Variants in POF1B observed in about 807,000 individuals in gnomAD.
POF1B encodes POF1B actin binding protein.
Under a neutral mutation model 55.3 loss-of-function variants are expected in POF1B, and 53 were observed. That is an observed-to-expected ratio of 0.96 (90% CI 0.77 to 1.20). The LOEUF is 1.20. POF1B is among the 50% of genes most tolerant of loss of function. The pLI is 0.00. For synonymous variants in POF1B, 188 were observed against 148.3 expected, an observed-to-expected ratio of 1.27 and a Z score of -1.95; for missense variants, 478 against 420.5, an observed-to-expected ratio of 1.14 and a Z score of -1.20.
intron 15 of POF1B, among the ~76,000 whole-genome samples, chrX:85,302,231 T>A (rs1186537060): frequency 9.0e-6 from 1 of 111,122 alleles, no homozygotes; most frequent in African/African-American, 3.3e-5. Context: ...CATGTGAAAA[T>A]CTCTTGCAAT....
chrX:85,350,955 C>T (rs866112273), intron 5 of POF1B, among the ~76,000 whole-genome samples: 9 of 111,371 alleles, frequency 8.1e-5, no homozygotes, highest in Admixed American at 7.7e-4. Flanking sequence ...CATATCTGTT[C>T]GTATGTATTG....
intron 9 of POF1B, among the ~76,000 whole-genome samples, chrX:85,309,846 TG>T (rs1932658732): frequency 9.0e-6 from 1 of 111,085 alleles, no homozygotes; most frequent in Admixed American, 9.6e-5. Context: ...AAAGACAGAG[TG>T]AAGAATGGTG....
At position 85,331,139 on chromosome X, in the gene POF1B, T is replaced by A. The variant is rs1932972153; in HGVS notation, c.724-60A>T. ...TTAAGTTTTTCTAAGTTCATAGATATTTTTATGTGAAGCGAAAGAAAGATA... is the reference window on the plus strand; with the variant it reads ...TTAAGTTTTTCTAAGTTCATAGATAATTTTATGTGAAGCGAAAGAAAGATA... On this transcript the variant is annotated intron_variant, in intron 6 of 16. Coordinates refer to ENST00000262753, the MANE Select transcript of POF1B (RefSeq NM_024921.4). The A allele has an allele frequency of 2.8e-6, 3 of 1,070,647 alleles. No individual in the cohort carries two copies. In the Admixed American group the frequency reaches 8.5e-5, roughly 30 times the overall value. 88.2% of individuals were successfully genotyped at this position (1,070,647 alleles called of 1,213,427 possible). A position where few individuals can be genotyped will look rare whatever the true frequency, so the allele number is the denominator to read the frequency against.
At position 85,315,703 on chromosome X, in the gene POF1B, T is replaced by C. The variant is rs1256602184; in HGVS notation, c.882+4A>G. 5 of 1,165,189 alleles carry C rather than the reference T, an allele frequency of 4.3e-6. No individual in the cohort carries two copies. The highest frequency in any genetic ancestry group is 5.7e-6 in the Non-Finnish European group (5 of 875,446). ...ATTCGATTTTCAACTATCTTTGCAC[T>C]TACCTCATCTGTAGACTCAAAGTCC... On this transcript the variant is annotated splice_donor_region_variant and intron_variant, in intron 8 of 16. Coordinates refer to ENST00000262753, the MANE Select transcript of POF1B (RefSeq NM_024921.4).
intron 5 of POF1B, among the ~76,000 whole-genome samples, chrX:85,348,345 G>T (rs1454705064): frequency 9.0e-6 from 1 of 111,354 alleles, no homozygotes; most frequent in African/African-American, 3.3e-5. Flanking sequence ...AAACATTTCT[G>T]ATTTGTCATA....
chrX:85,280,771 A>G (rs774020063), intron 16 of POF1B, among the ~76,000 whole-genome samples: 1 of 111,405 alleles, frequency 9.0e-6, no homozygotes, highest in African/African-American at 3.2e-5. Context: ...ACACATTCCT[A>G]TGATCCCTAC....
intron 7 of POF1B, among the ~76,000 whole-genome samples, chrX:85,323,762 G>A (rs1053440907): frequency 3.6e-5 from 4 of 110,300 alleles, no homozygotes; most frequent in African/African-American, 1.3e-4. Context: ...ACTGTCTGTG[G>A]GGTTAGTTTT....
intron 15 of POF1B, among the ~76,000 whole-genome samples, chrX:85,290,927 T>G (rs1932171643): frequency 8.9e-6 from 1 of 112,094 alleles, no homozygotes; most frequent in Admixed American, 9.5e-5. Context: ...CAGCAGAAGC[T>G]CTTTGGTTTA....
In POF1B at chrX:85,375,596, G is replaced by A. The variant is rs184913549; in HGVS notation, c.282+3577C>T. On this transcript the variant is annotated intron_variant, in intron 2 of 16. Coordinates refer to ENST00000262753, the MANE Select transcript of POF1B (RefSeq NM_024921.4). ...TGACCTCATTCTTTTTTCAGGCAGC[G>A]CACTTCCTTGAACAATCATTCACTT... 5.9e-3 allele frequency among the ~76,000 whole-genome samples: 659 copies of A among 111,644 alleles called. 9 individuals carry two copies. The highest frequency in any genetic ancestry group is 0.021 in the African/African-American group (633 of 30,716).
intron 6 of POF1B, among the ~76,000 whole-genome samples, chrX:85,340,157 T>G (rs1444334659): frequency 9.0e-6 from 1 of 110,654 alleles, no homozygotes; most frequent in Non-Finnish European, 1.9e-5. Flanking sequence ...TAGAATCAAT[T>G]AAAAAGGCTG....
chrX:85,344,374 A>G (rs1431111085), intron 6 of POF1B, among the ~76,000 whole-genome samples: 1 of 111,480 alleles, frequency 9.0e-6, no homozygotes, highest in African/African-American at 3.2e-5. Flanking sequence ...AGGTTAATTA[A>G]TTCCTCAACA....
At chrX:85,307,032 T>A (rs1195079375) in intron 11 of POF1B, 131 bp downstream of exon 11, 2 of 497,179 alleles carry the variant, frequency 4.0e-6, no homozygotes, top group Non-Finnish European at 6.6e-6. Context: ...AGCCACTCAA[T>A]TCTCATATGA....
chrX:85,325,770 G>T (rs973361593), intron 7 of POF1B, among the ~76,000 whole-genome samples: 2 of 112,092 alleles, frequency 1.8e-5, no homozygotes, highest in Non-Finnish European at 3.8e-5. Context: ...AGTTGCCAGA[G>T]TTCTTGCACT....
At chrX:85,313,305 T>G (rs2147910531) in intron 9 of POF1B, among the ~76,000 whole-genome samples, 1 of 111,894 alleles carries the variant, frequency 8.9e-6, no homozygotes, top group African/African-American at 3.2e-5. Context: ...TGATATTGGC[T>G]GTTGGTTTGT....
intron 2 of POF1B, among the ~76,000 whole-genome samples, chrX:85,369,724 A>G (rs745710135): frequency 2.2e-4 from 25 of 111,917 alleles, no homozygotes; most frequent in African/African-American, 7.8e-4. Context: ...TCCTTGTGCA[A>G]CATGTTTCTT....
intron 2 of POF1B, among the ~76,000 whole-genome samples, chrX:85,373,696 C>G (rs2147953995): frequency 9.0e-6 from 1 of 111,462 alleles, no homozygotes; most frequent in East Asian, 2.8e-4. Flanking sequence ...ATTAAGTAGA[C>G]TATCATAAGA....
In POF1B at chrX:85,305,845, C is replaced by A. The variant is rs143899687; in HGVS notation, c.1383G>T (p.Thr461=). 8.3e-7 allele frequency: 1 copy of A among 1,209,331 alleles called. No individual in the cohort carries two copies. Among genetic ancestry groups the A allele is most frequent in the South Asian group, 1.8e-5 (1 of 56,845 alleles). The change falls in exon 13 of 17, where the codon ACG becomes ACT. Residue 461 remains threonine (T), a synonymous_variant. Coordinates refer to ENST00000262753, the MANE Select transcript of POF1B (RefSeq NM_024921.4). ...CCATTCTCAAGTTTTTTACCATCTC[C>A]GTGTAGTGGTTGCCAATCTCATCCA... The part of the protein sequence containing the change: ...AKMDEIGNHY[T]EMVKNLRMEK...
chrX:85,330,872 G>A, intron 7 of POF1B, 77 bp downstream of exon 7: 1 of 978,449 alleles, frequency 1.0e-6, no homozygotes, highest in Non-Finnish European at 1.3e-6. Flanking sequence ...TAAAACTGAA[G>A]TCTATTTTTA....
chrX:85,343,845 C>A (rs758547601), intron 6 of POF1B, among the ~76,000 whole-genome samples: 1 of 110,812 alleles, frequency 9.0e-6, no homozygotes, highest in African/African-American at 3.3e-5. Context: ...ACATAAGTGA[C>A]CCAAATTCAA....
Sources: gnomAD v4.1 joint callset for allele counts (sites outside exome capture counted in the v4.1 genomes callset) on GRCh38, gnomAD v4.1.1 for gene constraint, MANE v1.5 for transcripts, NCBI Gene and HGNC (gene_info 2026-07-23, HGNC 2026-07-21) for gene names.